The following SLC44A5 variants were observed in gnomAD, a reference collection of about 807,000 sequenced individuals.
The protein encoded by SLC44A5 is choline transporter-like protein 5.
In SLC44A5, 57 loss-of-function variants were observed where a neutral mutation model predicts 101.8. The ratio of observed to expected loss-of-function variants is 0.56; its 90% CI spans 0.45 to 0.70. SLC44A5 has a LOEUF of 0.70. SLC44A5 is among the 30% of genes least tolerant of loss of function. The probability of loss-of-function intolerance (pLI) is 0.00; values close to 1 mark genes in which losing one functional copy is unlikely to be tolerated. For missense variants in SLC44A5, 737 were observed against 853.1 expected (o/e 0.86, Z 1.70); for synonymous variants, 281 against 290.9 (o/e 0.97, Z 0.35).
chr1:75,468,734 G>T (rs1368001816), intron 2 of SLC44A5, among the ~76,000 whole-genome samples: 5 of 152,120 alleles, frequency 3.3e-5, no homozygotes, highest in Non-Finnish European at 2.9e-5. Flanking sequence ...AAAATAGAAA[G>T]AATGAATTAG....
intron 5 of SLC44A5, among the ~76,000 whole-genome samples, chr1:75,296,372 T>C (rs116556482): frequency 5.5e-4 from 83 of 151,852 alleles, no homozygotes; most frequent in Non-Finnish European, 5.3e-4. Flanking sequence ...TTTTCTTTTT[T>C]TTTTTTTTTA....
chr1:75,538,892 T>C (rs1671198255), intron 2 of SLC44A5, among the ~76,000 whole-genome samples: 1 of 152,190 alleles, frequency 6.6e-6, no homozygotes, highest in Non-Finnish European at 1.5e-5. Flanking sequence ...AGTAATAATA[T>C]TGGTGTTCCC....
At chr1:75,419,877 G>C (rs1383327004) in intron 2 of SLC44A5, among the ~76,000 whole-genome samples, 2 of 152,104 alleles carry the variant, frequency 1.3e-5, no homozygotes, top group Non-Finnish European at 2.9e-5. Flanking sequence ...AATATTACTT[G>C]AATGTAAACT....
At chr1:75,487,502 A>G (rs2101800013) in intron 2 of SLC44A5, among the ~76,000 whole-genome samples, 1 of 152,282 alleles carries the variant, frequency 6.6e-6, no homozygotes, top group Middle Eastern at 3.4e-3. Context: ...CTTATCTAAG[A>G]CCAGTTAATT....
intron 13 of SLC44A5, among the ~76,000 whole-genome samples, chr1:75,225,937 T>A (rs975736378): frequency 6.6e-6 from 1 of 152,122 alleles, no homozygotes; most frequent in Non-Finnish European, 1.5e-5. Context: ...AACCCGTAAC[T>A]AAGATCCATC....
chr1:75,592,880 T>G (rs985059493), intron 1 of SLC44A5, among the ~76,000 whole-genome samples: 1 of 152,130 alleles, frequency 6.6e-6, no homozygotes, highest in Non-Finnish European at 1.5e-5. Flanking sequence ...CCTCAAACTA[T>G]GAAACTACTA....
rs747129559 is a variant in SLC44A5, at chr1:75,214,000, GA to G, written c.1803-12del. 2.0e-6 allele frequency: 3 copies of G among 1,506,164 alleles called. No individual in the cohort carries two copies. Among genetic ancestry groups the G allele is most frequent in the African/African-American group, 1.4e-5 (1 of 70,880 alleles). 93.3% of individuals were successfully genotyped at this position (1,506,164 alleles called of 1,614,324 possible). ...TCTGTAACTGCAACTCTGAGTATCAGAAAAAAAGAAAGTATAATTCTGTGTT... is the reference window on the plus strand; with the variant it reads ...TCTGTAACTGCAACTCTGAGTATCAGAAAAAAGAAAGTATAATTCTGTGTT... On this transcript the variant is annotated splice_polypyrimidine_tract_variant and intron_variant, in intron 20 of 23. Transcript: ENST00000370859.
In SLC44A5 at chr1:75,465,899, A is replaced by G. The variant is rs565963059; in HGVS notation, c.14-69278T>C. On this transcript the variant is annotated intron_variant, in intron 2 of 23. Transcript: ENST00000370859. ...TGAAGCTGTTATAAAGTCTTCCAGTAAAGAAAAGACCAGCACCCAATGGCT... is the reference window on the plus strand; with the variant it reads ...TGAAGCTGTTATAAAGTCTTCCAGTGAAGAAAAGACCAGCACCCAATGGCT... Among the ~76,000 whole-genome samples the G allele has an allele frequency of 9.2e-5, 14 of 152,322 alleles. No homozygotes were observed. The South Asian group carries it at 2.9e-3, about 32-fold the overall frequency.
At chr1:75,323,970 C>A (rs1305827695) in intron 4 of SLC44A5, among the ~76,000 whole-genome samples, 1 of 152,186 alleles carries the variant, frequency 6.6e-6, no homozygotes, top group African/African-American at 2.4e-5. Context: ...CTAACCCCAG[C>A]TTCCCTACTG....
chr1:75,237,247 C>A (rs899609109), intron 10 of SLC44A5, among the ~76,000 whole-genome samples, 177 bp from the exon 11 acceptor site: 2 of 151,498 alleles, frequency 1.3e-5, no homozygotes, highest in Non-Finnish European at 2.9e-5. Context: ...CTTCAGTAAA[C>A]CTGCAAAGGT....
At chr1:75,709,526 G>A in the SLC44A5 span, among the ~76,000 whole-genome samples, 5 of 152,154 alleles carry the variant, frequency 3.3e-5, no homozygotes, top group Non-Finnish European at 5.9e-5. Context: ...ATGAGTAATG[G>A]CTTATTCAGG....
At chr1:75,681,844 C>T in the SLC44A5 span, among the ~76,000 whole-genome samples, 3 of 152,106 alleles carry the variant, frequency 2.0e-5, no homozygotes, top group African/African-American at 4.8e-5. Context: ...GACATGATTG[C>T]ATATCTAGAA....
At chr1:75,264,162 C>A (rs1370910157) in intron 6 of SLC44A5, among the ~76,000 whole-genome samples, 20 of 150,676 alleles carry the variant, frequency 1.3e-4, no homozygotes, top group Non-Finnish European at 2.1e-4. Flanking sequence ...TAGCAAGGCA[C>A]CATTTTCAGA....
chr1:75,303,936 C>G (rs1654707202), intron 4 of SLC44A5, among the ~76,000 whole-genome samples: 1 of 151,984 alleles, frequency 6.6e-6, no homozygotes, highest in South Asian at 2.1e-4. Context: ...CACATGTACC[C>G]TAGAACTTAA....
chr1:75,433,163 T>C (rs1335595093), intron 2 of SLC44A5, among the ~76,000 whole-genome samples: 1 of 152,112 alleles, frequency 6.6e-6, no homozygotes, highest in Non-Finnish European at 1.5e-5. Context: ...TTCTCCTCAC[T>C]TCACAAATGA....
In SLC44A5 at chr1:75,237,074, C is replaced by A; in HGVS notation, c.657-4G>T. On this transcript the variant is annotated splice_polypyrimidine_tract_variant and splice_region_variant and intron_variant, in intron 10 of 23. Transcript: ENST00000370859. ...ATCAAGAAGTTTATTGATACCACTG[C>A]ATTGAAAGAAGGGAAAAAATCAATT... 6.4e-7 allele frequency: 1 copy of A among 1,574,200 alleles called. No homozygotes were observed. The highest frequency in any genetic ancestry group is 8.7e-7 in the Non-Finnish European group (1 of 1,147,544).
intron 6 of SLC44A5, among the ~76,000 whole-genome samples, chr1:75,271,480 A>T (rs1333911286): frequency 3.2e-5 from 4 of 123,838 alleles, no homozygotes; most frequent in Non-Finnish European, 6.7e-5. Flanking sequence ...TAAGTCCATT[A>T]TATCACTCTG....
At chr1:75,402,968 C>T (rs950440034) in intron 2 of SLC44A5, among the ~76,000 whole-genome samples, 1 of 152,194 alleles carries the variant, frequency 6.6e-6, no homozygotes, top group Non-Finnish European at 1.5e-5. Flanking sequence ...GCTGACAGCA[C>T]AGCAGTCTGA....
chr1:75,590,475 G>C (rs933631359), intron 1 of SLC44A5, among the ~76,000 whole-genome samples: 2 of 152,130 alleles, frequency 1.3e-5, no homozygotes, highest in African/African-American at 4.8e-5. Context: ...CTGCCACAGA[G>C]GCATACAGCA....
Sources: allele counts gnomAD v4.1 joint callset (sites outside exome capture counted in the v4.1 genomes callset), GRCh38; gene constraint gnomAD v4.1.1; transcripts MANE v1.5; gene names NCBI Gene and HGNC (gene_info 2026-07-23, HGNC 2026-07-21).